USPL1: variants seen among roughly 807,000 people sequenced by gnomAD.
USPL1 encodes the protein SUMO-specific isopeptidase USPL1.
USPL1 carries 27 observed loss-of-function variants against 51.5 expected under a neutral mutation model. The observed-to-expected ratio is 0.52, with a 90% CI of 0.39 to 0.72. USPL1 has a LOEUF of 0.72. USPL1 is among the 30% of genes least tolerant of loss of function. USPL1 has a pLI of 0.00. For synonymous variants in USPL1, 451 were observed against 459.6 expected (o/e 0.98, Z 0.24); for missense variants, 1,226 against 1,268.0 (o/e 0.97, Z 0.50).
intron 3 of USPL1, among the ~76,000 whole-genome samples, chr13:30,622,300 A>G (rs534128302): frequency 6.6e-6 from 1 of 152,188 alleles, no homozygotes; most frequent in African/African-American, 2.4e-5. Context: ...CAGTATATAT[A>G]CTCTGAACTA....
intron 6 of USPL1, among the ~76,000 whole-genome samples, chr13:30,646,190 C>T (rs552216765): frequency 4.1e-4 from 63 of 152,254 alleles, no homozygotes; most frequent in African/African-American, 1.4e-3. Flanking sequence ...CTTTAAATTA[C>T]AAATATTTTT....
intron 4 of USPL1, among the ~76,000 whole-genome samples, chr13:30,634,791 A>G (rs781180136): frequency 6.6e-6 from 1 of 152,196 alleles, no homozygotes; most frequent in Non-Finnish European, 1.5e-5. Flanking sequence ...TGGTTGTACC[A>G]AGCAATTCTC....
chr13:30,635,561 C>T (rs1378643069), intron 4 of USPL1, among the ~76,000 whole-genome samples: 1 of 152,158 alleles, frequency 6.6e-6, no homozygotes, highest in Non-Finnish European at 1.5e-5. Context: ...AGAATCCTCA[C>T]TTTTATTCAA....
Position 30,631,483 on chromosome 13 carries a change from T to A in USPL1, c.868+9T>A, listed in dbSNP as rs1164511576. On this transcript the variant is annotated intron_variant, in intron 4 of 8. Coordinates refer to ENST00000255304, the MANE Select transcript of USPL1 (RefSeq NM_005800.5). The stretch of plus-strand genomic sequence containing the variant: ...ATTGAGTGGTGTTAAAGGTTGGTAC[T>A]AATATTTTATTTTTATTTACTTATT... The A allele has an allele frequency of 6.3e-7, 1 of 1,588,498 alleles. No individual in the cohort carries two copies. Among genetic ancestry groups the A allele is most frequent in the Non-Finnish European group, 8.6e-7 (1 of 1,169,522 alleles).
Position 30,642,609 on chromosome 13 carries a change from C to A in USPL1, c.983-19C>A. 6.3e-7 allele frequency: 1 copy of A among 1,596,474 alleles called. No homozygotes were observed. Among genetic ancestry groups the A allele is most frequent in the South Asian group, 1.1e-5 (1 of 88,130 alleles). ...CCATTATTGATTATGAGCAGTAATTCTTCCTTTTCTTTTTGAAGGTGATAT... is the reference window on the plus strand; with the variant it reads ...CCATTATTGATTATGAGCAGTAATTATTCCTTTTCTTTTTGAAGGTGATAT... On this transcript the variant is annotated intron_variant, in intron 5 of 8. Coordinates refer to ENST00000255304, the MANE Select transcript of USPL1 (RefSeq NM_005800.5).
At position 30,631,332 on chromosome 13, in the gene USPL1, G is replaced by C; in HGVS notation, c.726G>C (p.Leu242=). ...CTCTCTGTTGGTTAGACTGTATCCT[G>C]TCAGCTTTGGTGCACTCGGAAGAGT... ...AYALCWLDCI[L]SALVHSEELK... Residue 242 remains leucine, a synonymous_variant, in exon 4 of 9, where the codon CTG becomes CTC. Transcript: ENST00000255304. 1 of 1,614,178 alleles carries C rather than the reference G, an allele frequency of 6.2e-7. No homozygotes were observed.
In USPL1 at chr13:30,635,925, A is replaced by G. The variant is rs143251719; in HGVS notation, c.869-1819A>G. Among the ~76,000 whole-genome samples, 1,047 of 152,320 alleles carry G rather than the reference A, an allele frequency of 6.9e-3. 5 individuals are homozygous for G. The highest frequency in any genetic ancestry group is 0.011 in the Non-Finnish European group (734 of 68,034). ...ATACAGTTTTCAGAATGGTTGTACC[A>G]ATATATAATTCCATTTTCATTATGT... On this transcript the variant is annotated intron_variant, in intron 4 of 8. Transcript: ENST00000255304.
At position 30,659,577 on chromosome 13, in the gene USPL1, G is replaced by A. The variant is rs771382309; in HGVS notation, c.*221G>A. 2 of 443,464 alleles carry A rather than the reference G, an allele frequency of 4.5e-6. No individual in the cohort carries two copies. The highest frequency in any genetic ancestry group is 7.8e-6 in the Non-Finnish European group (2 of 256,960). 27.5% of individuals were successfully genotyped at this position (443,464 alleles called of 1,614,324 possible). The stretch of plus-strand genomic sequence containing the variant: ...TCCTTTTTGGTTTCATTTTGTTCTT[G>A]TGAGAGTATGAGGATTTCAAAATGT... On this transcript the variant is annotated 3_prime_UTR_variant, in exon 9 of 9. Coordinates refer to ENST00000255304, the MANE Select transcript of USPL1 (RefSeq NM_005800.5).
In USPL1 at chr13:30,646,662, ACT is replaced by A. The variant is rs923103843; in HGVS notation, c.1113-265_1113-264del. Among the ~76,000 whole-genome samples, 14 of 152,116 alleles carry A rather than the reference ACT, an allele frequency of 9.2e-5. No individual in the cohort carries two copies. In the East Asian group the frequency reaches 2.1e-3, roughly 23 times the overall value. ...CACAGGACAGTGCTTCACAGCAAAG[ACT>A]CTCTGGTGAAAAATGCAGTGATACC... On this transcript the variant is annotated intron_variant, in intron 6 of 8. Transcript: ENST00000255304.
chr13:30,640,843 C>T (rs973431438), intron 5 of USPL1, among the ~76,000 whole-genome samples: 2 of 152,170 alleles, frequency 1.3e-5, no homozygotes, highest in Non-Finnish European at 2.9e-5. Flanking sequence ...TTATACTCAT[C>T]TACCATGTAG....
chr13:30,632,406 ATT>A (rs60539080), intron 4 of USPL1, among the ~76,000 whole-genome samples: 49 of 83,680 alleles, frequency 5.9e-4, no homozygotes, highest in African/African-American at 2.1e-3. Context: ...TGCTATTGTG[ATT>A]TTTTTTTTTT....
At chr13:30,625,444 G>A (rs143325760) in intron 3 of USPL1, among the ~76,000 whole-genome samples, 3 of 118,960 alleles carry the variant, frequency 2.5e-5, no homozygotes, top group Non-Finnish European at 5.2e-5. Flanking sequence ...TTTGTTTTTT[G>A]TTTTTTTTTT....
chr13:30,635,333 T>G (rs574328748), intron 4 of USPL1, among the ~76,000 whole-genome samples: 35 of 152,324 alleles, frequency 2.3e-4, no homozygotes, highest in Non-Finnish European at 4.4e-4. Context: ...CATATTGATG[T>G]GTGGTATGAG....
In USPL1 at chr13:30,631,240, A is replaced by G. The variant is rs745519774; in HGVS notation, c.634A>G (p.Met212Val). 5.0e-6 allele frequency: 8 copies of G among 1,614,072 alleles called. No individual in the cohort carries two copies. In the Admixed American group the frequency reaches 1.2e-4, roughly 24 times the overall value. Residue 212 changes from methionine to valine, a missense_variant, in exon 4 of 9, where the codon ATG becomes GTG. Transcript: ENST00000255304. ...TGAAGGATGTACATCTAAACTGGAA[A>G]TGCCACTGGAGAGCAAATGTACATC... ...QNEGCTSKLE[M>V]PLESKCTSFP... is the part of the protein sequence containing the mutation.
In USPL1 at chr13:30,631,355, A is replaced by T; in HGVS notation, c.749A>T (p.Glu250Val). 6.2e-7 allele frequency: 1 copy of T among 1,614,208 alleles called. No homozygotes were observed. Among genetic ancestry groups the T allele is most frequent in the Non-Finnish European group, 8.5e-7 (1 of 1,180,046 alleles). Residue 250 changes from glutamate (E) to valine (V), a missense_variant, in exon 4 of 9, where the codon GAG (glutamate) becomes GTG (valine). Coordinates refer to ENST00000255304, the MANE Select transcript of USPL1 (RefSeq NM_005800.5). ...CILSALVHSE[E>V]LKNTVTGLCS... ...CTGTCAGCTTTGGTGCACTCGGAAG[A>T]GTTAAAGAACACCGTGACTGGACTG...
At chr13:30,618,791 A>G (rs1950606743) in intron 1 of USPL1, among the ~76,000 whole-genome samples, 1 of 152,164 alleles carries the variant, frequency 6.6e-6, no homozygotes, top group Non-Finnish European at 1.5e-5. Flanking sequence ...CTGGAAAGCT[A>G]GGTTGGTTTC....
At chr13:30,638,997 C>T (rs918778774) in intron 5 of USPL1, among the ~76,000 whole-genome samples, 2 of 151,468 alleles carry the variant, frequency 1.3e-5, no homozygotes, top group Non-Finnish European at 1.5e-5. Context: ...GCAGGCGTAT[C>T]ACAAGGTCAA....
At chr13:30,620,635 T>C (rs550928317) in intron 1 of USPL1, among the ~76,000 whole-genome samples, 1 of 152,228 alleles carries the variant, frequency 6.6e-6, no homozygotes, top group African/African-American at 2.4e-5. Context: ...AATAGGAATG[T>C]ATGGAATATA....
intron 5 of USPL1, among the ~76,000 whole-genome samples, chr13:30,642,252 A>C (rs1389813700): frequency 6.6e-6 from 1 of 150,978 alleles, no homozygotes; most frequent in Non-Finnish European, 1.5e-5. Context: ...GTGAGCCACC[A>C]CACCTCATCA....
Sources: allele counts gnomAD v4.1 joint callset (sites outside exome capture counted in the v4.1 genomes callset), GRCh38; gene constraint gnomAD v4.1.1; transcripts MANE v1.5; gene names NCBI Gene and HGNC (gene_info 2026-07-23, HGNC 2026-07-21).